Variants in DLG2 observed in about 807,000 individuals in gnomAD.
The protein encoded by DLG2 is discs large MAGUK scaffold protein 2, also known as disks large homolog 2.
DLG2 carries 45 observed loss-of-function variants against 132.5 expected under a neutral mutation model. The ratio of observed to expected loss-of-function variants is 0.34; its 90% CI spans 0.27 to 0.44. The LOEUF (loss-of-function observed/expected upper bound fraction) is 0.44. Ranked by LOEUF, DLG2 falls within the 20% of genes least tolerant of loss-of-function variation. The probability of loss-of-function intolerance (pLI) is 1.00; values close to 1 mark genes in which losing one functional copy is unlikely to be tolerated. For missense variants in DLG2, 1,045 were observed against 1,196.9 expected, an observed-to-expected ratio of 0.87 and a Z score of 1.87; for synonymous variants, 424 against 419.6, an observed-to-expected ratio of 1.01 and a Z score of -0.13.
At chr11:84,363,637 GT>G (rs1183011070) in intron 7 of DLG2, among the ~76,000 whole-genome samples, 1 of 151,710 alleles carries the variant, frequency 6.6e-6, no homozygotes, top group Non-Finnish European at 1.5e-5. Flanking sequence ...GGTTTTTATG[GT>G]TTTAGGTCTA....
At chr11:84,020,841 C>G (rs540880514) in intron 11 of DLG2, among the ~76,000 whole-genome samples, 1 of 152,074 alleles carries the variant, frequency 6.6e-6, no homozygotes, top group Non-Finnish European at 1.5e-5. Context: ...GAAGTTCTTT[C>G]GGTTATAAAA....
chr11:85,080,150 T>C (rs781523718), intron 6 of DLG2, among the ~76,000 whole-genome samples: 17 of 152,108 alleles, frequency 1.1e-4, no homozygotes, highest in African/African-American at 3.9e-4. Context: ...TGTTCTGTGA[T>C]AGTACCTGAA....
chr11:85,377,161 A>G (rs1371350898), intron 3 of DLG2, among the ~76,000 whole-genome samples: 1 of 152,214 alleles, frequency 6.6e-6, no homozygotes, highest in Non-Finnish European at 1.5e-5. Flanking sequence ...CCATCTGTCA[A>G]AAAGTGAGAT....
chr11:83,734,739 C>T (rs1012599119), intron 18 of DLG2, among the ~76,000 whole-genome samples: 1 of 152,130 alleles, frequency 6.6e-6, no homozygotes, highest in Non-Finnish European at 1.5e-5. Context: ...GCATAAGCCA[C>T]TGTACCCAGC....
intron 5 of DLG2, among the ~76,000 whole-genome samples, chr11:85,136,405 G>C (rs920438672): frequency 6.6e-6 from 1 of 152,110 alleles, no homozygotes; most frequent in Non-Finnish European, 1.5e-5. Context: ...AAAGATGATA[G>C]AGGATAATTC....
intron 7 of DLG2, among the ~76,000 whole-genome samples, chr11:84,264,585 AG>A (rs1210040744): frequency 2.0e-5 from 3 of 152,172 alleles, no homozygotes; most frequent in Non-Finnish European, 4.4e-5. Flanking sequence ...CTCTGTCACA[AG>A]TTGGAGAGTG....
chr11:84,213,329 C>CA (rs1474087603), intron 8 of DLG2, among the ~76,000 whole-genome samples: 4 of 152,124 alleles, frequency 2.6e-5, no homozygotes, highest in Non-Finnish European at 5.9e-5. Context: ...TCCTTAAGAG[C>CA]AGGAAATGCT....
chr11:85,546,309 A>C (rs752673253), intron 3 of DLG2, among the ~76,000 whole-genome samples: 6 of 152,122 alleles, frequency 3.9e-5, no homozygotes, highest in Non-Finnish European at 7.4e-5. Flanking sequence ...TTTTTGAGTG[A>C]GTTTCTTAAT....
At chr11:83,677,679 T>C (rs780714505) in intron 18 of DLG2, among the ~76,000 whole-genome samples, 11 of 152,020 alleles carry the variant, frequency 7.2e-5, no homozygotes, top group Non-Finnish European at 1.6e-4. Context: ...TTTCATTTCA[T>C]TAAAAAACAA....
chr11:84,724,008 A>C (rs1014393113), intron 6 of DLG2, among the ~76,000 whole-genome samples: 1 of 152,138 alleles, frequency 6.6e-6, no homozygotes, highest in African/African-American at 2.4e-5. Context: ...ACACAGTAAG[A>C]GGCATTAGCT....
chr11:84,623,418 AG>A (rs1323050904), intron 6 of DLG2, among the ~76,000 whole-genome samples: 1 of 152,200 alleles, frequency 6.6e-6, no homozygotes, highest in African/African-American at 2.4e-5. Flanking sequence ...AATAATAATC[AG>A]TGCTTATGTA....
At chr11:83,954,142 A>C (rs971565704) in intron 14 of DLG2, among the ~76,000 whole-genome samples, 3 of 152,142 alleles carry the variant, frequency 2.0e-5, no homozygotes, top group African/African-American at 7.2e-5. Flanking sequence ...GCCGGTTTTA[A>C]ATTTCTCATT....
intron 3 of DLG2, among the ~76,000 whole-genome samples, chr11:85,471,530 T>C (rs2092984523): frequency 3.3e-5 from 5 of 151,864 alleles, no homozygotes; most frequent in Admixed American, 3.3e-4. Context: ...ATAGACAAAT[T>C]TAAAGAGAAT....
intron 7 of DLG2, among the ~76,000 whole-genome samples, chr11:84,353,304 A>AC (rs2098592290): frequency 6.6e-6 from 1 of 152,106 alleles, no homozygotes; most frequent in East Asian, 1.9e-4. Context: ...TACTTCAAAT[A>AC]CCCCAAACTG....
intron 10 of DLG2, among the ~76,000 whole-genome samples, chr11:84,064,542 T>C (rs1456264005): frequency 6.6e-6 from 1 of 152,200 alleles, no homozygotes; most frequent in East Asian, 1.9e-4. Context: ...AAAATAGGGA[T>C]AATGAGATTG....
intron 6 of DLG2, among the ~76,000 whole-genome samples, chr11:84,897,110 A>C (rs995664228): frequency 6.6e-6 from 1 of 151,058 alleles, no homozygotes; most frequent in Non-Finnish European, 1.5e-5. Context: ...ATTTTTTGTT[A>C]ATCATTCCTT....
At chr11:85,345,488 C>G (rs2082770310) in intron 3 of DLG2, among the ~76,000 whole-genome samples, 1 of 152,024 alleles carries the variant, frequency 6.6e-6, no homozygotes, top group Admixed American at 6.6e-5. Context: ...TCACAACAAC[C>G]CTCTGAGAAA....
chr11:84,584,054 G>T (rs1214510946), intron 6 of DLG2, among the ~76,000 whole-genome samples: 1 of 151,934 alleles, frequency 6.6e-6, no homozygotes, highest in Non-Finnish European at 1.5e-5. Context: ...TTTCTCTATG[G>T]TATATATATC....
intron 6 of DLG2, among the ~76,000 whole-genome samples, chr11:84,618,298 C>A (rs2099608027): frequency 6.6e-6 from 1 of 151,946 alleles, no homozygotes; most frequent in Non-Finnish European, 1.5e-5. Context: ...AGCAGGGAAG[C>A]AACATGATCA....
Sources: gnomAD v4.1 joint callset for allele counts (sites outside exome capture counted in the v4.1 genomes callset) on GRCh38, gnomAD v4.1.1 for gene constraint, MANE v1.5 for transcripts, NCBI Gene and HGNC (gene_info 2026-07-23, HGNC 2026-07-21) for gene names.